The following MAML2 variants were observed in gnomAD, a reference collection of about 807,000 sequenced individuals.
MAML2 encodes mastermind like transcriptional coactivator 2.
MAML2 carries 22 observed loss-of-function variants against 96.1 expected under a neutral mutation model. The ratio of observed to expected loss-of-function variants is 0.23; its 90% confidence interval spans 0.16 to 0.33. MAML2 has a LOEUF of 0.33. Among genes scored for constraint, MAML2 ranks in the 10% least tolerant of loss-of-function variants. The pLI is 1.00. For synonymous variants in MAML2, 561 were observed against 521.3 expected, an observed-to-expected ratio of 1.08 and a Z score of -1.04; for missense variants, 1,367 against 1,392.4, an observed-to-expected ratio of 0.98 and a Z score of 0.29.
Position 96,106,423 on chromosome 11 carries a change from C to T in MAML2, c.514-12906G>A, listed in dbSNP as rs77031577. Among the ~76,000 whole-genome samples the T allele has an allele frequency of 5.6e-3, 860 of 152,288 alleles. 4 individuals carry two copies. The highest frequency in any genetic ancestry group is 0.035 in the East Asian group (183 of 5,188). ...CTTATCTTTAAACAAGAATATGTTA[C>T]AGTTCCTTTCTATGAATTCATCATC... On this transcript the variant is annotated intron_variant, in intron 1 of 4. Transcript: ENST00000524717.
intron 2 of MAML2, among the ~76,000 whole-genome samples, chr11:96,057,806 T>C (rs1194464366): frequency 6.6e-6 from 1 of 152,222 alleles, no homozygotes; most frequent in Non-Finnish European, 1.5e-5. Flanking sequence ...AAACAAAATA[T>C]ACCAAACACA....
intron 1 of MAML2, among the ~76,000 whole-genome samples, chr11:96,225,544 A>C (rs369003132): frequency 2.6e-5 from 4 of 152,320 alleles, no homozygotes; most frequent in African/African-American, 9.6e-5. Flanking sequence ...TCAGAATAAT[A>C]ACCATGGCCA....
chr11:96,002,718 C>T (rs573416537), intron 2 of MAML2, among the ~76,000 whole-genome samples: 100 of 898 alleles, frequency 0.11, 6 homozygotes, highest in South Asian at 0.44. Flanking sequence ...ATAAGGAGGA[C>T]GATGGGGGAT....
intron 4 of MAML2, among the ~76,000 whole-genome samples, chr11:95,982,900 T>C (rs889049784): frequency 1.3e-4 from 20 of 152,210 alleles, no homozygotes; most frequent in Admixed American, 1.3e-3. Flanking sequence ...TGACACCCAG[T>C]GTGACTTTCA....
intron 2 of MAML2, among the ~76,000 whole-genome samples, chr11:96,007,169 A>ATT (rs766991159): frequency 1.2e-5 from 1 of 83,570 alleles, no homozygotes; most frequent in South Asian, 3.9e-4. Flanking sequence ...TGTCCAGTTA[A>ATT]TTTTTTTTTT....
chr11:96,009,169 C>T (rs1858230732), intron 2 of MAML2, among the ~76,000 whole-genome samples: 1 of 152,174 alleles, frequency 6.6e-6, no homozygotes, highest in Admixed American at 6.5e-5. Context: ...AAGAACAATT[C>T]AGTTCCTTTA....
chr11:95,995,531 G>A (rs1027816612), intron 2 of MAML2, among the ~76,000 whole-genome samples: 3 of 152,100 alleles, frequency 2.0e-5, no homozygotes, highest in African/African-American at 7.2e-5. Context: ...TTAACAAGAT[G>A]AATTTTAGAA....
chr11:96,058,971 A>C (rs1859112640), intron 2 of MAML2, among the ~76,000 whole-genome samples: 1 of 152,208 alleles, frequency 6.6e-6, no homozygotes, highest in Non-Finnish European at 1.5e-5. Flanking sequence ...AATCCCAGCT[A>C]CTTGGGAGGC....
intron 1 of MAML2, among the ~76,000 whole-genome samples, chr11:96,173,945 A>G (rs1283304716): frequency 6.6e-6 from 1 of 152,240 alleles, no homozygotes; most frequent in East Asian, 1.9e-4. Flanking sequence ...AGGGGACAGC[A>G]GGAAACACTT....
At position 96,297,808 on chromosome 11, in the gene MAML2, T is replaced by C. The variant is rs139249479; in HGVS notation, c.513+43575A>G. Reference sequence around the variant, plus strand: ...AGTATTTTAAAGCAAATCCCGGCCATAATTTCACTCCTAATTACTTAGTAT... The same window carrying C: ...AGTATTTTAAAGCAAATCCCGGCCACAATTTCACTCCTAATTACTTAGTAT... On this transcript the variant is annotated intron_variant, in intron 1 of 4. Coordinates refer to ENST00000524717, the MANE Select transcript of MAML2 (RefSeq NM_032427.4). Among the ~76,000 whole-genome samples the C allele has an allele frequency of 6.5e-3, 992 of 152,330 alleles. 4 individuals carry two copies. The highest frequency in any genetic ancestry group is 9.5e-3 in the Non-Finnish European group (649 of 68,030).
intron 1 of MAML2, among the ~76,000 whole-genome samples, chr11:96,130,408 T>C (rs1382241016): frequency 6.6e-6 from 1 of 152,220 alleles, no homozygotes; most frequent in Non-Finnish European, 1.5e-5. Flanking sequence ...CTCATCACAA[T>C]CTTCCAGTTG....
At chr11:96,115,006 T>C (rs562117597) in intron 1 of MAML2, among the ~76,000 whole-genome samples, 2 of 152,160 alleles carry the variant, frequency 1.3e-5, no homozygotes, top group African/African-American at 2.4e-5. Context: ...GAAGTACGTT[T>C]CTGCTGAGGT....
intron 1 of MAML2, among the ~76,000 whole-genome samples, chr11:96,113,583 G>A (rs1250806819): frequency 1.6e-5 from 2 of 127,646 alleles, no homozygotes; most frequent in Admixed American, 1.9e-4. Context: ...TGCTCCTAAT[G>A]TTTCTCCATC....
At chr11:96,133,702 A>G (rs963286162) in intron 1 of MAML2, among the ~76,000 whole-genome samples, 1 of 152,262 alleles carries the variant, frequency 6.6e-6, no homozygotes, top group Non-Finnish European at 1.5e-5. Context: ...CCAGATAAGA[A>G]TGGTTTATAG....
In MAML2 at chr11:96,091,901, T is replaced by C. The variant is rs760478861; in HGVS notation, c.2130A>G (p.Gln710=). Reference sequence around the variant, plus strand: ...GTAGTAGAGCCCTTACCTGTCTCTGTTGTTGGGAGACTTGGTATCCCATTC... The same window carrying C: ...GTAGTAGAGCCCTTACCTGTCTCTGCTGTTGGGAGACTTGGTATCCCATTC... ...IAGMGYQVSQ[Q]QRQDQHSVVG... Residue 710 remains glutamine, a synonymous_variant, in exon 2 of 5, where the codon CAA becomes CAG. Transcript: ENST00000524717. The C allele has an allele frequency of 6.2e-7, 1 of 1,613,162 alleles. No individual in the cohort carries two copies. The highest frequency in any genetic ancestry group is 8.5e-7 in the Non-Finnish European group (1 of 1,179,466).
chr11:96,334,655 G>A (rs1056774434), intron 1 of MAML2, among the ~76,000 whole-genome samples: 5 of 152,188 alleles, frequency 3.3e-5, no homozygotes, highest in Admixed American at 1.3e-4. Context: ...GTCCATCAAT[G>A]TATTCCTGGC....
intron 1 of MAML2, among the ~76,000 whole-genome samples, chr11:96,294,456 T>C (rs1364871165): frequency 6.6e-6 from 1 of 152,108 alleles, no homozygotes; most frequent in Non-Finnish European, 1.5e-5. Flanking sequence ...TTGTGAAAAT[T>C]TGCGCATTTT....
chr11:96,210,633 G>A (rs1036327450), intron 1 of MAML2, among the ~76,000 whole-genome samples: 1 of 152,174 alleles, frequency 6.6e-6, no homozygotes, highest in African/African-American at 2.4e-5. Context: ...GAAAACAGGA[G>A]TAACAAGAGG....
intron 1 of MAML2, among the ~76,000 whole-genome samples, chr11:96,240,321 C>G (rs896767393): frequency 6.6e-6 from 1 of 151,826 alleles, no homozygotes; most frequent in African/African-American, 2.4e-5. Context: ...GAGGCCGAGG[C>G]GGGTGGATCA....
Sources: gnomAD v4.1 joint callset for allele counts (sites outside exome capture counted in the v4.1 genomes callset) on GRCh38, gnomAD v4.1.1 for gene constraint, MANE v1.5 for transcripts, NCBI Gene and HGNC (gene_info 2026-07-23, HGNC 2026-07-21) for gene names.